Variants in CMPK1 observed in about 807,000 individuals in gnomAD.
The protein encoded by CMPK1 is cytidine/uridine monophosphate kinase 1.
A neutral mutation model predicts 25.7 loss-of-function variants in CMPK1; 10 were observed. The observed-to-expected ratio is 0.39, with a 90% CI of 0.24 to 0.66. CMPK1 has a LOEUF of 0.66. Among genes scored for constraint, CMPK1 ranks in the 30% least tolerant of loss-of-function variants. The pLI, the probability that CMPK1 is intolerant of heterozygous loss-of-function variation, is 0.48. For missense variants in CMPK1, 199 were observed against 280.5 expected (o/e 0.71, Z 2.08); for synonymous variants, 106 against 101.5 (o/e 1.04, Z -0.27).
chr1:47,335,028 A>C (rs1646386131), intron 1 of CMPK1, among the ~76,000 whole-genome samples: 3 of 152,206 alleles, frequency 2.0e-5, no homozygotes, highest in Admixed American at 2.0e-4. Context: ...ACTGTGGGAA[A>C]AAAAGGCTTC....
At chr1:47,365,263 C>T (rs971892039) in intron 1 of CMPK1, among the ~76,000 whole-genome samples, 10 of 125,216 alleles carry the variant, frequency 8.0e-5, no homozygotes, top group Admixed American at 3.1e-4. Context: ...CATTTGTACC[C>T]TGAAGATCTT....
At chr1:47,352,927 G>A (rs1282362651) in intron 1 of CMPK1, among the ~76,000 whole-genome samples, 3 of 144,946 alleles carry the variant, frequency 2.1e-5, no homozygotes, top group Non-Finnish European at 4.5e-5. Flanking sequence ...TACTTATGAA[G>A]GTAAATTTTA....
intron 2 of CMPK1, among the ~76,000 whole-genome samples, 183 bp downstream of exon 2, chr1:47,368,798 A>G (rs1044681309): frequency 6.6e-6 from 1 of 152,168 alleles, no homozygotes; most frequent in Non-Finnish European, 1.5e-5. Flanking sequence ...CATCTCTACA[A>G]AAAAATTTTT....
At chr1:47,374,113 G>T (rs1215024537) in intron 3 of CMPK1, among the ~76,000 whole-genome samples, 1 of 152,120 alleles carries the variant, frequency 6.6e-6, no homozygotes, top group Non-Finnish European at 1.5e-5. Flanking sequence ...GCCCAGGCTG[G>T]AGTACAGTGG....
At chr1:47,341,153 G>A (rs1000549014) in intron 1 of CMPK1, among the ~76,000 whole-genome samples, 2 of 152,112 alleles carry the variant, frequency 1.3e-5, no homozygotes, top group Non-Finnish European at 2.9e-5. Flanking sequence ...TGCCCATAGG[G>A]AAAATGTTAC....
At chr1:47,372,473 A>G (rs775604815) in intron 2 of CMPK1, among the ~76,000 whole-genome samples, 31 of 152,208 alleles carry the variant, frequency 2.0e-4, no homozygotes, top group Non-Finnish European at 2.6e-4. Context: ...AGAGTTGAGC[A>G]CCTGTAGAAG....
intron 1 of CMPK1, among the ~76,000 whole-genome samples, chr1:47,360,556 A>G (rs1646594771): frequency 6.6e-6 from 1 of 152,218 alleles, no homozygotes; most frequent in East Asian, 1.9e-4. Flanking sequence ...CAAGCAGACA[A>G]TCATCAAGTC....
chr1:47,350,366 C>A (rs1250659326), intron 1 of CMPK1, among the ~76,000 whole-genome samples: 1 of 152,026 alleles, frequency 6.6e-6, no homozygotes, highest in Non-Finnish European at 1.5e-5. Context: ...CCTACAGGCA[C>A]AAGCTTGTAG....
chr1:47,357,407 C>T (rs1646569004), intron 1 of CMPK1, among the ~76,000 whole-genome samples: 1 of 152,036 alleles, frequency 6.6e-6, no homozygotes, highest in South Asian at 2.1e-4. Flanking sequence ...ACTGTATCAT[C>T]CCATGATGGG....
intron 1 of CMPK1, among the ~76,000 whole-genome samples, chr1:47,364,344 G>A (rs1395435430): frequency 4.6e-5 from 7 of 152,036 alleles, no homozygotes; most frequent in South Asian, 2.1e-4. Flanking sequence ...GTTTGAGACA[G>A]TCTTGCTCTG....
rs1020537115 is a variant in CMPK1 at position 47,334,211 on chromosome 1, A to G, written c.171+95A>G. On this transcript the variant is annotated intron_variant, in intron 1 of 5. Transcript: ENST00000371873. ...TAGTCCGCGCCCCGCGGAGTCGCCG[A>G]GCCGCAGACTACGAGTCCCGGCGGC... The G allele has an allele frequency of 1.1e-4, 126 of 1,140,066 alleles. 1 individual carries two copies. The highest frequency in any genetic ancestry group is 1.4e-4 in the Non-Finnish European group (124 of 907,206). The allele number at this position is 1,140,066 out of a possible 1,614,324, so 70.6% of individuals were successfully genotyped here.
chr1:47,369,992 G>A (rs1646667077), intron 2 of CMPK1, among the ~76,000 whole-genome samples: 1 of 136,710 alleles, frequency 7.3e-6, no homozygotes, highest in Non-Finnish European at 1.6e-5. Flanking sequence ...TCGGCTCACT[G>A]CAAGCTCCGC....
At chr1:47,358,216 T>C (rs1646576879) in intron 1 of CMPK1, 2 of 440,250 alleles carry the variant, frequency 4.5e-6, no homozygotes, top group Non-Finnish European at 9.0e-6. Flanking sequence ...GGGCTCAAGC[T>C]ACCCACTTGG....
At chr1:47,367,041 T>TA (rs1489433497) in intron 1 of CMPK1, among the ~76,000 whole-genome samples, 1 of 151,450 alleles carries the variant, frequency 6.6e-6, no homozygotes, top group African/African-American at 2.4e-5. Flanking sequence ...TTCTTTCTTT[T>TA]AAAAAAAAAG....
At chr1:47,374,086 CAG>C (rs1646692972) in intron 3 of CMPK1, among the ~76,000 whole-genome samples, 1 of 152,032 alleles carries the variant, frequency 6.6e-6, no homozygotes, top group Non-Finnish European at 1.5e-5. Flanking sequence ...TTTTTTGAGA[CAG>C]AGTCTCACTC....
chr1:47,352,052 G>A (rs1483927211), intron 1 of CMPK1, among the ~76,000 whole-genome samples: 1 of 152,128 alleles, frequency 6.6e-6, no homozygotes, highest in African/African-American at 2.4e-5. Flanking sequence ...CAGGAGAATT[G>A]CTTGAACCCA....
chr1:47,368,133 G>A (rs1646652125), intron 1 of CMPK1, among the ~76,000 whole-genome samples: 1 of 151,962 alleles, frequency 6.6e-6, no homozygotes, highest in African/African-American at 2.4e-5. Context: ...TGTTTTTAGA[G>A]AGATGGGGTT....
chr1:47,373,634 A>G (rs1038807521), intron 3 of CMPK1, among the ~76,000 whole-genome samples: 1 of 152,082 alleles, frequency 6.6e-6, no homozygotes, highest in Non-Finnish European at 1.5e-5. Context: ...CTTCTCTACT[A>G]AAAATACAAA....
intron 1 of CMPK1, 104 bp from the exon 2 acceptor site, chr1:47,368,365 T>C: frequency 1.1e-6 from 1 of 926,146 alleles, no homozygotes; most frequent in Non-Finnish European, 1.5e-6. Flanking sequence ...ACTTCTTTAT[T>C]GTAGAAAAAT....
Sources: allele counts gnomAD v4.1 joint callset (sites outside exome capture counted in the v4.1 genomes callset), GRCh38; gene constraint gnomAD v4.1.1; transcripts MANE v1.5; gene names NCBI Gene and HGNC (gene_info 2026-07-23, HGNC 2026-07-21).